The following PARD3B variants were observed in gnomAD, a reference collection of about 807,000 sequenced individuals.
The protein encoded by PARD3B is partitioning defective 3 homolog B.
Under a neutral mutation model 130.2 loss-of-function variants are expected in PARD3B, and 103 were observed. That is an observed-to-expected ratio of 0.79 (90% CI 0.67 to 0.93). The LOEUF (loss-of-function observed/expected upper bound fraction) is 0.93. PARD3B is among the 40% of genes least tolerant of loss of function. PARD3B has a pLI of 0.00. For synonymous variants in PARD3B, 583 were observed against 553.2 expected, an observed-to-expected ratio of 1.05 and a Z score of -0.76; for missense variants, 1,609 against 1,499.2, an observed-to-expected ratio of 1.07 and a Z score of -1.21.
At chr2:204,661,137 A>G (rs116265105) in intron 1 of PARD3B, among the ~76,000 whole-genome samples, 2,057 of 152,262 alleles carry the variant, frequency 0.014, 52 homozygotes, top group African/African-American at 0.046. Flanking sequence ...GAAGCACTCA[A>G]TTCCTCAGTT....
intron 22 of PARD3B, among the ~76,000 whole-genome samples, chr2:205,567,984 C>A (rs565201450): frequency 6.6e-6 from 1 of 152,162 alleles, no homozygotes; most frequent in Non-Finnish European, 1.5e-5. Context: ...AGGTACTTAA[C>A]TTTTGGTCCC....
At chr2:205,306,692 A>T (rs1017256888) in intron 18 of PARD3B, among the ~76,000 whole-genome samples, 3 of 152,208 alleles carry the variant, frequency 2.0e-5, no homozygotes, top group African/African-American at 7.2e-5. Context: ...CAAAGTTAAG[A>T]TCTGAAAGGT....
In PARD3B at chr2:205,006,237, C is replaced by T. The variant is rs149655975; in HGVS notation, c.394+40914C>T. Among the ~76,000 whole-genome samples, 31 of 152,166 alleles carry T rather than the reference C, an allele frequency of 2.0e-4. No individual in the cohort carries two copies. In the East Asian group the frequency reaches 5.2e-3, roughly 26 times the overall value. On this transcript the variant is annotated intron_variant, in intron 3 of 22. Coordinates refer to ENST00000406610, the MANE Select transcript of PARD3B (RefSeq NM_001302769.2). Reference sequence around the variant, plus strand: ...GTCAATGGACACTTTAGGTTGGTTCCGTATCTTTGCAGTTGCAAATTGTGC... The same window carrying T: ...GTCAATGGACACTTTAGGTTGGTTCTGTATCTTTGCAGTTGCAAATTGTGC...
chr2:204,964,352 C>T (rs929053937), intron 2 of PARD3B, among the ~76,000 whole-genome samples: 1 of 152,088 alleles, frequency 6.6e-6, no homozygotes, highest in African/African-American at 2.4e-5. Context: ...TGTGTGATTA[C>T]TTGAATTTTT....
At chr2:204,795,632 C>T (rs899311007) in intron 2 of PARD3B, among the ~76,000 whole-genome samples, 1 of 152,130 alleles carries the variant, frequency 6.6e-6, no homozygotes, top group African/African-American at 2.4e-5. Flanking sequence ...AAAGAAATTT[C>T]CAAACTTTCA....
At chr2:204,551,145 C>T (rs1055290571) in intron 1 of PARD3B, among the ~76,000 whole-genome samples, 2 of 152,166 alleles carry the variant, frequency 1.3e-5, no homozygotes, top group Non-Finnish European at 2.9e-5. Context: ...ACAGAGGGCT[C>T]GTGGGGCCTG....
At chr2:205,278,157 A>G (rs556796055) in intron 16 of PARD3B, among the ~76,000 whole-genome samples, 1 of 152,278 alleles carries the variant, frequency 6.6e-6, no homozygotes, top group East Asian at 1.9e-4. Context: ...TTAGGAGGCA[A>G]TTGGTGACCT....
chr2:205,448,778 G>T (rs923839773), intron 20 of PARD3B, among the ~76,000 whole-genome samples: 1 of 152,076 alleles, frequency 6.6e-6, no homozygotes. Flanking sequence ...TATCTAGTCT[G>T]CATTTTCCAG....
intron 2 of PARD3B, among the ~76,000 whole-genome samples, chr2:204,701,267 G>A (rs951133735): frequency 2.0e-5 from 3 of 152,046 alleles, no homozygotes; most frequent in African/African-American, 7.2e-5. Context: ...TAATTAAAAT[G>A]TAAAAGCAAG....
In PARD3B at chr2:205,291,622, T is replaced by C. The variant is rs2041610187; in HGVS notation, c.2186-8908T>C. 6.6e-6 allele frequency among the ~76,000 whole-genome samples: 1 copy of C among 152,218 alleles called. No homozygotes were observed. The highest frequency in any genetic ancestry group is 1.5e-5 in the Non-Finnish European group (1 of 68,048). Reference sequence around the variant, plus strand: ...AGATAGCGTATTTAATTAATGTAATTGTAGATAGTTTGTTTGAACCCATAG... The same window carrying C: ...AGATAGCGTATTTAATTAATGTAATCGTAGATAGTTTGTTTGAACCCATAG... On this transcript the variant is annotated intron_variant, in intron 16 of 22. Transcript: ENST00000406610. This position sits in a 1 kb window ranked among gnomAD's most constrained non-coding sequence, Gnocchi z 4.6.
intron 20 of PARD3B, among the ~76,000 whole-genome samples, chr2:205,488,707 T>C (rs6725461): frequency 0.49 from 73,754 of 151,944 alleles, 18,286 homozygotes; most frequent in Admixed American, 0.57. Flanking sequence ...AAACTTACAT[T>C]AGGAAAGGTG....
chr2:204,746,188 G>T (rs1001565494), intron 2 of PARD3B, among the ~76,000 whole-genome samples: 1 of 132,524 alleles, frequency 7.5e-6, no homozygotes. Context: ...GTGACCAAGT[G>T]TTCTCATTGT....
intron 15 of PARD3B, among the ~76,000 whole-genome samples, chr2:205,210,810 T>A (rs997350734): frequency 1.3e-5 from 2 of 152,150 alleles, no homozygotes; most frequent in African/African-American, 4.8e-5. Context: ...CTCTCCCAGC[T>A]GTTTGACTGT....
chr2:205,245,931 A>G, intron 16 of PARD3B, 109 bp downstream of exon 16: 3 of 878,732 alleles, frequency 3.4e-6, no homozygotes, highest in Admixed American at 3.7e-5. Context: ...AAGGCTTTCT[A>G]ATTAATACAT....
chr2:204,946,284 G>A (rs1461396338), intron 2 of PARD3B, among the ~76,000 whole-genome samples: 2 of 152,164 alleles, frequency 1.3e-5, no homozygotes, highest in African/African-American at 4.8e-5. Flanking sequence ...AGGAATTGAA[G>A]TACTTCATCT....
At chr2:205,431,223 T>C (rs144955118) in intron 19 of PARD3B, among the ~76,000 whole-genome samples, 5 of 152,276 alleles carry the variant, frequency 3.3e-5, no homozygotes, top group African/African-American at 1.2e-4. Context: ...ATTATAGGCA[T>C]GTGCCACCAC....
At chr2:205,036,977 T>C (rs970655598) in intron 3 of PARD3B, among the ~76,000 whole-genome samples, 1 of 147,096 alleles carries the variant, frequency 6.8e-6, no homozygotes, top group African/African-American at 2.5e-5. Context: ...GGACTGTATA[T>C]ATAAAAAACA....
rs192678014 is a variant in PARD3B, at chr2:205,504,693, C to T, written c.3180+4662C>T. On this transcript the variant is annotated intron_variant, in intron 21 of 22. Transcript: ENST00000406610. ...TGCCAATCAAAACCACAATGAGATG[C>T]CATCTCACACCAGTTAGAATGGCGA... Among the ~76,000 whole-genome samples the T allele has an allele frequency of 1.0e-2, 1,517 of 152,318 alleles. 7 individuals carry two copies. The highest frequency in any genetic ancestry group is 0.02 in the Middle Eastern group (6 of 294).
At chr2:204,725,612 A>G (rs182105121) in intron 2 of PARD3B, among the ~76,000 whole-genome samples, 21 of 152,308 alleles carry the variant, frequency 1.4e-4, no homozygotes, top group Middle Eastern at 3.4e-3. Context: ...TTAAAGTCTA[A>G]GATATCTACT....
Sources: gnomAD v4.1 joint callset for allele counts (sites outside exome capture counted in the v4.1 genomes callset) on GRCh38, gnomAD v4.1.1 for gene constraint, Gnocchi (gnomAD v3.1) non-coding constraint, MANE v1.5 for transcripts, NCBI Gene and HGNC (gene_info 2026-07-23, HGNC 2026-07-21) for gene names.